The following ATE1 variants were observed in gnomAD, a reference collection of about 807,000 sequenced individuals.
The protein encoded by ATE1 is arginyl-tRNA--protein transferase 1.
In ATE1, 36 loss-of-function variants were observed where a neutral mutation model predicts 70.5. The ratio of observed to expected loss-of-function variants is 0.51; its 90% confidence interval spans 0.39 to 0.67. The LOEUF (loss-of-function observed/expected upper bound fraction) is 0.67, where lower values mean the gene tolerates loss of function less well. Among genes scored for constraint, ATE1 ranks in the 30% least tolerant of loss-of-function variants. The probability of loss-of-function intolerance (pLI) is 0.00; values close to 1 mark genes in which losing one functional copy is unlikely to be tolerated. For synonymous variants in ATE1, 232 were observed against 219.3 expected (o/e 1.06, Z -0.51); for missense variants, 593 against 629.5 (o/e 0.94, Z 0.62).
intron 8 of ATE1, among the ~76,000 whole-genome samples, chr10:121,852,165 T>C (rs187160075): frequency 5.3e-4 from 81 of 152,328 alleles, no homozygotes; most frequent in African/African-American, 1.8e-3. Context: ...ATAGGAAGAC[T>C]GAAAGTCTTC....
chr10:121,844,896 G>A (rs1948758074), intron 8 of ATE1, among the ~76,000 whole-genome samples: 1 of 150,364 alleles, frequency 6.7e-6, no homozygotes, highest in Non-Finnish European at 1.5e-5. Flanking sequence ...TTGCTTCACA[G>A]ATAATGAGTT....
chr10:121,746,300 A>C (rs561326399), intron 11 of ATE1, among the ~76,000 whole-genome samples: 14 of 152,336 alleles, frequency 9.2e-5, no homozygotes, highest in Non-Finnish European at 1.6e-4. Context: ...ATACTTCCCC[A>C]GTGCCTAGAA....
chr10:121,884,960 C>A (rs886766834), intron 7 of ATE1, among the ~76,000 whole-genome samples: 1 of 152,042 alleles, frequency 6.6e-6, no homozygotes, highest in African/African-American at 2.4e-5. Flanking sequence ...GTTAGCCTGG[C>A]TTTAAAAAAT....
intron 11 of ATE1, among the ~76,000 whole-genome samples, chr10:121,754,500 G>T (rs1944714235): frequency 6.6e-6 from 1 of 152,176 alleles, no homozygotes; most frequent in African/African-American, 2.4e-5. Flanking sequence ...ATAACACATT[G>T]ATTAGAATGA....
At chr10:121,864,137 G>T (rs1949576200) in intron 8 of ATE1, among the ~76,000 whole-genome samples, 1 of 152,158 alleles carries the variant, frequency 6.6e-6, no homozygotes, top group African/African-American at 2.4e-5. Context: ...AGTTCCCAAA[G>T]AGCTCATTAG....
intron 11 of ATE1, among the ~76,000 whole-genome samples, chr10:121,762,177 G>A (rs1040525177): frequency 2.0e-5 from 3 of 152,176 alleles, no homozygotes; most frequent in African/African-American, 7.2e-5. Flanking sequence ...CAGCTTTCCT[G>A]ACACTATTTA....
upstream of ATE1, chr10:121,928,331 C>T (rs1390249677): frequency 3.3e-6 from 5 of 1,516,728 alleles, no homozygotes; most frequent in African/African-American, 1.4e-5. Flanking sequence ...CCAACTCCGG[C>T]GTCGGGAACA....
intron 5 of ATE1, among the ~76,000 whole-genome samples, chr10:121,905,949 T>G (rs896734207): frequency 6.6e-6 from 1 of 152,066 alleles, no homozygotes; most frequent in Non-Finnish European, 1.5e-5. Flanking sequence ...CAGTGTAAAA[T>G]CAGTACACTA....
At chr10:121,802,471 G>T (rs762392986) in intron 10 of ATE1, among the ~76,000 whole-genome samples, 2 of 151,944 alleles carry the variant, frequency 1.3e-5, no homozygotes, top group Non-Finnish European at 2.9e-5. Context: ...ACCACGTCTG[G>T]CTAATTTTTA....
intron 10 of ATE1, among the ~76,000 whole-genome samples, chr10:121,790,899 C>T (rs147841542): frequency 6.6e-6 from 1 of 151,456 alleles, no homozygotes; most frequent in Admixed American, 6.6e-5. Context: ...GAACTTTCTT[C>T]AAAAATCCCA....
intron 10 of ATE1, among the ~76,000 whole-genome samples, chr10:121,806,031 C>T (rs1421943428): frequency 6.6e-6 from 1 of 152,064 alleles, no homozygotes; most frequent in Non-Finnish European, 1.5e-5. Flanking sequence ...AGTATTCCCG[C>T]AAAAGTGAGT....
intron 8 of ATE1, among the ~76,000 whole-genome samples, chr10:121,866,376 C>A (rs1188533652): frequency 6.6e-6 from 1 of 152,026 alleles, no homozygotes; most frequent in Non-Finnish European, 1.5e-5. Context: ...GTCATAAACC[C>A]AGTAATAAAA....
intron 10 of ATE1, among the ~76,000 whole-genome samples, chr10:121,800,262 A>G (rs775937375): frequency 1.3e-4 from 20 of 152,236 alleles, no homozygotes; most frequent in Non-Finnish European, 2.9e-4. Flanking sequence ...CTCAGACAAA[A>G]AAAATCAGAA....
chr10:121,869,821 T>C (rs1949788548), intron 8 of ATE1, among the ~76,000 whole-genome samples, 185 bp downstream of exon 8: 1 of 152,186 alleles, frequency 6.6e-6, no homozygotes, highest in Admixed American at 6.5e-5. Flanking sequence ...GCTATTGATA[T>C]AACTTCTAGA....
At chr10:121,895,601 C>T (rs539749802) in intron 7 of ATE1, among the ~76,000 whole-genome samples, 5 of 149,462 alleles carry the variant, frequency 3.3e-5, no homozygotes, top group African/African-American at 9.8e-5. Context: ...TTGACAAGAG[C>T]GAAACTCCGG....
At chr10:121,905,669 C>A (rs567365536) in intron 5 of ATE1, among the ~76,000 whole-genome samples, 2 of 151,992 alleles carry the variant, frequency 1.3e-5, no homozygotes, top group African/African-American at 4.8e-5. Flanking sequence ...ATGGTGAAAC[C>A]CTGTCTCTAC....
chr10:121,890,861 A>G (rs761270111), intron 7 of ATE1, among the ~76,000 whole-genome samples: 5 of 152,206 alleles, frequency 3.3e-5, no homozygotes, highest in Non-Finnish European at 5.9e-5. Flanking sequence ...ATATCACATT[A>G]CTTTCTGAAA....
chr10:121,928,325 C>T, upstream of ATE1: 1 of 1,515,732 alleles, frequency 6.6e-7, no homozygotes, highest in Non-Finnish European at 8.8e-7. Flanking sequence ...GCCGCGCCAA[C>T]TCCGGCGTCG....
chr10:121,860,313 G>T (rs556661799), intron 8 of ATE1, among the ~76,000 whole-genome samples: 1 of 152,202 alleles, frequency 6.6e-6, no homozygotes, highest in Non-Finnish European at 1.5e-5. Flanking sequence ...CCAACTCTCA[G>T]TTTAGTGTCT....
Sources: gnomAD v4.1 joint callset for allele counts (sites outside exome capture counted in the v4.1 genomes callset) on GRCh38, gnomAD v4.1.1 for gene constraint, MANE v1.5 for transcripts, NCBI Gene and HGNC (gene_info 2026-07-23, HGNC 2026-07-21) for gene names.